The following ASPH variants were observed in gnomAD, a reference collection of about 807,000 sequenced individuals.
ASPH encodes the protein aspartyl/asparaginyl beta-hydroxylase.
ASPH carries 100 observed loss-of-function variants against 118.4 expected under a neutral mutation model. That is an observed-to-expected ratio of 0.84 (90% CI 0.72 to 1.00). The LOEUF is 1.00. Ranked by LOEUF, ASPH falls within the 50% of genes least tolerant of loss-of-function variation. The pLI, the probability that ASPH is intolerant of heterozygous loss-of-function variation, is 0.00. For missense variants in ASPH, 920 were observed against 919.5 expected (o/e 1.00, Z -0.01); for synonymous variants, 315 against 325.6 (o/e 0.97, Z 0.35).
chr8:61,613,338 G>A lies in ASPH; in HGVS notation c.976+5640C>T, dbSNP rs552215026. Among the ~76,000 whole-genome samples the A allele has an allele frequency of 5.9e-5, 9 of 152,252 alleles. No individual in the cohort carries two copies. The South Asian group carries it at 1.0e-3, about 18-fold the overall frequency. On this transcript the variant is annotated intron_variant, in intron 14 of 24. Coordinates refer to ENST00000379454, the MANE Select transcript of ASPH (RefSeq NM_004318.4). ...AGCTGCAACATTAACTCTGCTCTGC[G>A]GATTTTGGACTGGCCAGCCTCTACA...
chr8:61,554,999 C>T (rs1827349055), intron 19 of ASPH, among the ~76,000 whole-genome samples: 1 of 152,178 alleles, frequency 6.6e-6, no homozygotes, highest in African/African-American at 2.4e-5. Flanking sequence ...CAGGTGGGAG[C>T]CACTGCACCT....
At chr8:61,680,014 T>C (rs1827272151) in intron 3 of ASPH, among the ~76,000 whole-genome samples, 2 of 149,404 alleles carry the variant, frequency 1.3e-5, no homozygotes, top group Non-Finnish European at 3.0e-5. Flanking sequence ...TAATCACAAC[T>C]AAAACTCTAT....
chr8:61,527,973 C>G (rs1381789809), intron 21 of ASPH, among the ~76,000 whole-genome samples: 4 of 152,316 alleles, frequency 2.6e-5, no homozygotes, highest in Non-Finnish European at 2.9e-5. Context: ...GCGTGACTGC[C>G]TCCTCACCTT....
At chr8:61,699,606 CA>C (rs1483762838) in intron 1 of ASPH, among the ~76,000 whole-genome samples, 7 of 151,658 alleles carry the variant, frequency 4.6e-5, no homozygotes, top group African/African-American at 1.7e-4. Flanking sequence ...AAAAAAAAAT[CA>C]AAAAGTTTCT....
chr8:61,524,502 G>A (rs1319973303), intron 22 of ASPH, among the ~76,000 whole-genome samples: 1 of 152,120 alleles, frequency 6.6e-6, no homozygotes, highest in Non-Finnish European at 1.5e-5. Flanking sequence ...TCTATCACAT[G>A]TAAGAAAGAG....
chr8:61,543,184 G>T (rs1822573382), intron 21 of ASPH, among the ~76,000 whole-genome samples: 1 of 151,610 alleles, frequency 6.6e-6, no homozygotes, highest in Non-Finnish European at 1.5e-5. Flanking sequence ...TAATCTGGAG[G>T]ATTTCTGGCC....
intron 3 of ASPH, among the ~76,000 whole-genome samples, chr8:61,669,309 G>A (rs564837994): frequency 3.9e-5 from 6 of 152,228 alleles, no homozygotes; most frequent in African/African-American, 1.4e-4. Flanking sequence ...ATCAATTGAG[G>A]TCATCCATTC....
At chr8:61,589,966 C>T (rs1467581277) in intron 14 of ASPH, among the ~76,000 whole-genome samples, 1 of 151,972 alleles carries the variant, frequency 6.6e-6, no homozygotes, top group Non-Finnish European at 1.5e-5. Flanking sequence ...AGCATTCTGG[C>T]CAGAGGAGAG....
intron 14 of ASPH, among the ~76,000 whole-genome samples, chr8:61,613,489 T>C (rs1848098279): frequency 1.3e-5 from 2 of 152,166 alleles, no homozygotes; most frequent in African/African-American, 4.8e-5. Context: ...GGGATAAGGG[T>C]TGGTCATGGT....
Position 61,556,245 on chromosome 8 carries a change from C to T in ASPH, c.1438-223G>A, listed in dbSNP as rs997461131. ...ACTCAATATGCTTTGCACATTTACACAATGGTTCTTCAAGAATGAAGAAAT... is the reference window on the plus strand; with the variant it reads ...ACTCAATATGCTTTGCACATTTACATAATGGTTCTTCAAGAATGAAGAAAT... On this transcript the variant is annotated intron_variant, in intron 18 of 24. Coordinates refer to ENST00000379454, the MANE Select transcript of ASPH (RefSeq NM_004318.4). Among the ~76,000 whole-genome samples, 10 of 152,170 alleles carry T rather than the reference C, an allele frequency of 6.6e-5. No individual in the cohort carries two copies. The East Asian group carries it at 1.9e-3, about 29-fold the overall frequency.
Position 61,503,407 on chromosome 8 carries a change from C to G in ASPH, c.2229G>C (p.Trp743Cys). 1 of 1,612,608 alleles carries G rather than the reference C, an allele frequency of 6.2e-7. No individual in the cohort carries two copies. Among genetic ancestry groups the G allele is most frequent in the Admixed American group, 1.7e-5 (1 of 59,838 alleles). ...TCTGCTGTGGTGTCAGTTCCGGATG[C>G]CACACATCCACGATGAATATCAGCC... Reference protein sequence around the residue: ...SFRLIFIVDVWHPELTPQQRR... With the variant: ...SFRLIFIVDVCHPELTPQQRR... Residue 743 changes from tryptophan (W) to cysteine (C), a missense_variant, in exon 25 of 25, where the codon TGG becomes TGC. By Grantham distance (215) the Trp-to-Cys change is radical (BLOSUM62 -2). Transcript: ENST00000379454.
chr8:61,692,913 A>G (rs1455907898), intron 1 of ASPH, among the ~76,000 whole-genome samples: 4 of 151,148 alleles, frequency 2.6e-5, no homozygotes, highest in Non-Finnish European at 2.9e-5. Flanking sequence ...GCTTTTACCA[A>G]TTTCCAGACC....
At chr8:61,711,634 C>T (rs1471786423) in intron 1 of ASPH, among the ~76,000 whole-genome samples, 1 of 151,950 alleles carries the variant, frequency 6.6e-6, no homozygotes, top group Non-Finnish European at 1.5e-5. Flanking sequence ...AAAAAAACCA[C>T]CAAGATAAAG....
chr8:61,631,012 T>C (rs1005994832), intron 13 of ASPH, among the ~76,000 whole-genome samples: 3 of 152,064 alleles, frequency 2.0e-5, no homozygotes, highest in African/African-American at 7.2e-5. Flanking sequence ...GTCTTAGTTT[T>C]TTACAAAAAA....
rs770967220 is a variant in ASPH at position 61,518,071 on chromosome 8, T to C, written c.1953A>G (p.Leu651=). 6.2e-6 allele frequency: 10 copies of C among 1,613,926 alleles called. No homozygotes were observed. The Admixed American group carries it at 1.3e-4, about 22-fold the overall frequency. ...CKGAPKTCTL[L]EKFPETTGCR... is the part of the protein sequence containing the mutation. ...ATCCTGTTGTCTCGGGGAACTTTTC[T>C]AGTAAGGTACAGGTTTTAGGAGCTC... Residue 651 remains leucine (L), a synonymous_variant, in exon 23 of 25, where the codon CTA becomes CTG. Transcript: ENST00000379454.
chr8:61,709,750 G>C (rs1837624013), intron 1 of ASPH, among the ~76,000 whole-genome samples: 1 of 152,146 alleles, frequency 6.6e-6, no homozygotes, highest in Non-Finnish European at 1.5e-5. Context: ...TAAAACAGTG[G>C]CTGGAGTTAC....
At chr8:61,645,856 T>G (rs1477985018) in intron 6 of ASPH, among the ~76,000 whole-genome samples, 1 of 152,188 alleles carries the variant, frequency 6.6e-6, no homozygotes, top group Non-Finnish European at 1.5e-5. Flanking sequence ...TTGTGCAAAG[T>G]AGATAAACTA....
chr8:61,510,571 A>G (rs1343970699), intron 24 of ASPH, among the ~76,000 whole-genome samples: 2 of 152,248 alleles, frequency 1.3e-5, no homozygotes, highest in African/African-American at 2.4e-5. Context: ...TGTTTGGAAC[A>G]TAATCCATTT....
chr8:61,588,053 T>C (rs1374250475), intron 14 of ASPH, among the ~76,000 whole-genome samples: 1 of 152,212 alleles, frequency 6.6e-6, no homozygotes, highest in Non-Finnish European at 1.5e-5. Flanking sequence ...ATTTAAATTA[T>C]GTTCATAATC....
Sources: allele counts gnomAD v4.1 joint callset (sites outside exome capture counted in the v4.1 genomes callset), GRCh38; gene constraint gnomAD v4.1.1; transcripts MANE v1.5; gene names NCBI Gene and HGNC (gene_info 2026-07-23, HGNC 2026-07-21).